The following SYNPR variants were observed in gnomAD, a reference collection of about 807,000 sequenced individuals.
SYNPR encodes the protein synaptoporin.
SYNPR carries 23 observed loss-of-function variants against 32.9 expected under a neutral mutation model. The ratio of observed to expected loss-of-function variants is 0.70; its 90% CI spans 0.50 to 0.99. The LOEUF is 0.99. SYNPR is among the 50% of genes least tolerant of loss of function. The pLI, the probability that SYNPR is intolerant of heterozygous loss-of-function variation, is 0.00. For synonymous variants in SYNPR, 146 were observed against 135.9 expected (o/e 1.07, Z -0.52); for missense variants, 318 against 349.3 (o/e 0.91, Z 0.71).
At chr3:63,547,596 T>C (rs1423733746) in intron 3 of SYNPR, among the ~76,000 whole-genome samples, 2 of 152,114 alleles carry the variant, frequency 1.3e-5, no homozygotes, top group African/African-American at 4.8e-5. Flanking sequence ...GCAGTTCCCA[T>C]ATATTCATCC....
intron 3 of SYNPR, among the ~76,000 whole-genome samples, chr3:63,502,263 G>A (rs1701495578): frequency 6.6e-6 from 1 of 151,954 alleles, no homozygotes; most frequent in Admixed American, 6.6e-5. Context: ...TAGGCTCACA[G>A]CAAAATGGAG....
At chr3:63,389,914 T>C (rs1170895619) in intron 2 of SYNPR, among the ~76,000 whole-genome samples, 1 of 152,250 alleles carries the variant, frequency 6.6e-6, no homozygotes, top group Non-Finnish European at 1.5e-5. Flanking sequence ...CTTTGGACTA[T>C]AGGAGGTGCT....
intron 2 of SYNPR, among the ~76,000 whole-genome samples, chr3:63,315,934 A>G (rs1166903433): frequency 2.0e-5 from 3 of 151,932 alleles, no homozygotes; most frequent in Admixed American, 6.6e-5. Flanking sequence ...TTTTGCTAAG[A>G]GTTTTAATTA....
chr3:63,331,924 A>G (rs1307021386), intron 2 of SYNPR, among the ~76,000 whole-genome samples: 1 of 152,170 alleles, frequency 6.6e-6, no homozygotes, highest in Non-Finnish European at 1.5e-5. Flanking sequence ...TCTGGCATTT[A>G]CTTTCTAGTA....
intron 2 of SYNPR, among the ~76,000 whole-genome samples, chr3:63,420,037 A>G (rs144754640): frequency 1.3e-5 from 2 of 152,338 alleles, no homozygotes; most frequent in South Asian, 2.1e-4. Flanking sequence ...TTTATAGGAA[A>G]CATATGTAAA....
intron 2 of SYNPR, among the ~76,000 whole-genome samples, chr3:63,463,877 T>C (rs1482475963): frequency 6.6e-6 from 1 of 152,214 alleles, no homozygotes; most frequent in East Asian, 1.9e-4. Context: ...CATTCAATTT[T>C]TGTAAATTTT....
At chr3:63,285,161 T>C (rs1004017631) in intron 2 of SYNPR, among the ~76,000 whole-genome samples, 8 of 152,256 alleles carry the variant, frequency 5.3e-5, no homozygotes, top group South Asian at 2.1e-4. Context: ...TTGAGGTCTT[T>C]TCTGAAAATG....
At chr3:63,202,667 C>T in the SYNPR span, among the ~76,000 whole-genome samples, 1 of 152,176 alleles carries the variant, frequency 6.6e-6, no homozygotes, top group African/African-American at 2.4e-5. Context: ...GTAATCCCAA[C>T]TATGTTTGGT....
chr3:63,581,480 A>G (rs1472400871), intron 4 of SYNPR, among the ~76,000 whole-genome samples: 2 of 97,174 alleles, frequency 2.1e-5, no homozygotes, highest in Non-Finnish European at 4.7e-5. Context: ...AAAGCAAACA[A>G]ACAAACACAC....
intron 2 of SYNPR, among the ~76,000 whole-genome samples, chr3:63,452,959 G>A (rs555019337): frequency 9.9e-5 from 15 of 152,134 alleles, no homozygotes; most frequent in East Asian, 5.8e-4. Flanking sequence ...TGAGAGTGTC[G>A]AATCCTTAAC....
chr3:63,403,381 T>C (rs989000365), intron 2 of SYNPR, among the ~76,000 whole-genome samples: 2 of 151,708 alleles, frequency 1.3e-5, no homozygotes, highest in Non-Finnish European at 2.9e-5. Flanking sequence ...TATAAATATA[T>C]ATATATGTAC....
At chr3:63,537,727 T>C (rs1702234807) in intron 3 of SYNPR, among the ~76,000 whole-genome samples, 1 of 152,158 alleles carries the variant, frequency 6.6e-6, no homozygotes, top group Non-Finnish European at 1.5e-5. Flanking sequence ...AATACTTTCA[T>C]ATGTTGAATT....
chr3:63,498,079 G>A (rs1575676520), intron 3 of SYNPR, among the ~76,000 whole-genome samples: 3 of 152,086 alleles, frequency 2.0e-5, no homozygotes, highest in South Asian at 2.1e-4. Context: ...TTGAGCCCTC[G>A]TTCATTCACT....
At chr3:63,507,444 C>T (rs1701610741) in intron 3 of SYNPR, among the ~76,000 whole-genome samples, 1 of 152,098 alleles carries the variant, frequency 6.6e-6, no homozygotes, top group African/African-American at 2.4e-5. Flanking sequence ...GTGAAGTACT[C>T]ATATGTTCCG....
chr3:63,501,494 C>CAAA (rs377290258), intron 3 of SYNPR, among the ~76,000 whole-genome samples: 11 of 96,710 alleles, frequency 1.1e-4, no homozygotes, highest in African/African-American at 1.6e-4. Flanking sequence ...CTCCCCCAAC[C>CAAA]AAAAAAAAAA....
rs35599811 is a variant in SYNPR, at chr3:63,293,783, C to CTGTGTG, written c.84+15056_84+15061dup. ...CTGCTTTCCTCTTCACATGGTTATA[C>CTGTGTG]TGTGTGTGTGTGTGTGTGTGCCTAA... On this transcript the variant is annotated intron_variant, in intron 2 of 5. Coordinates refer to ENST00000478300, the MANE Select transcript of SYNPR (RefSeq NM_001130003.2). 1.3e-5 allele frequency among the ~76,000 whole-genome samples: 2 copies of CTGTGTG among 150,190 alleles called. 1 individual carries two copies. The highest frequency in any genetic ancestry group is 1.3e-4 in the Admixed American group (2 of 15,018).
intron 3 of SYNPR, among the ~76,000 whole-genome samples, chr3:63,488,003 G>A (rs1283368481): frequency 5.3e-5 from 8 of 152,070 alleles, no homozygotes; most frequent in African/African-American, 1.2e-4. Context: ...TTTGGAACAC[G>A]GGGGCAGGTG....
intron 2 of SYNPR, among the ~76,000 whole-genome samples, chr3:63,446,641 A>G (rs1700282706): frequency 6.6e-6 from 1 of 152,208 alleles, no homozygotes; most frequent in African/African-American, 2.4e-5. Flanking sequence ...AAAATGCTGC[A>G]TTATGAGAAA....
chr3:63,384,264 T>G (rs1251880114), intron 2 of SYNPR, among the ~76,000 whole-genome samples: 1 of 152,266 alleles, frequency 6.6e-6, no homozygotes, highest in African/African-American at 2.4e-5. Context: ...TCTTATTTAT[T>G]GCTGTATATT....
Sources: allele counts gnomAD v4.1 joint callset (sites outside exome capture counted in the v4.1 genomes callset), GRCh38; gene constraint gnomAD v4.1.1; transcripts MANE v1.5; gene names NCBI Gene and HGNC (gene_info 2026-07-23, HGNC 2026-07-21).